Variants in HIF3A observed in about 807,000 individuals in gnomAD.
The protein encoded by HIF3A is hypoxia inducible factor 3 subunit alpha, also known as hypoxia-inducible factor 3-alpha.
Under a neutral mutation model 67.2 loss-of-function variants are expected in HIF3A, and 41 were observed. That is an observed-to-expected ratio of 0.61 (90% CI 0.48 to 0.79). HIF3A has a LOEUF of 0.79. Among genes scored for constraint, HIF3A ranks in the 30% least tolerant of loss-of-function variants. The pLI is 0.00. For synonymous variants in HIF3A, 356 were observed against 374.8 expected (o/e 0.95, Z 0.58); for missense variants, 855 against 898.0 (o/e 0.95, Z 0.61).
intron 10 of HIF3A, 99 bp downstream of exon 10, chr19:46,322,065 C>CTG: frequency 8.1e-7 from 1 of 1,227,196 alleles, no homozygotes; most frequent in Admixed American, 2.3e-5. Flanking sequence ...TGGGCCTCAG[C>CTG]TTCTCCATCT....
intron 8 of HIF3A, among the ~76,000 whole-genome samples, chr19:46,315,731 T>C (rs1263869064): frequency 6.6e-6 from 1 of 151,856 alleles, no homozygotes; most frequent in African/African-American, 2.4e-5. Context: ...CTGGCCAACA[T>C]GGCGAAACAC....
At chr19:46,300,168 C>G (rs1968200551) in intron 1 of HIF3A, among the ~76,000 whole-genome samples, 1 of 152,132 alleles carries the variant, frequency 6.6e-6, no homozygotes, top group East Asian at 1.9e-4. Flanking sequence ...CGTGAGTGTT[C>G]AACACACCAA....
intron 6 of HIF3A, chr19:46,310,760 GT>G (rs1397451615): frequency 4.5e-5 from 15 of 336,570 alleles, no homozygotes; most frequent in African/African-American, 2.9e-4. Context: ...ACTTTTTGTT[GT>G]TGTTGTTGAG....
chr19:46,313,389 A>G, intron 8 of HIF3A: 1 of 850,138 alleles, frequency 1.2e-6, no homozygotes, highest in South Asian at 5.6e-5. Context: ...TTGGGAGGCC[A>G]GGGGAGGAGG....
chr19:46,317,065 T>C (rs10414652), intron 8 of HIF3A, among the ~76,000 whole-genome samples: 117,965 of 152,042 alleles, frequency 0.78, 47,288 homozygotes, highest in Non-Finnish European at 0.87. Flanking sequence ...GGACTATAGG[T>C]GCGCACTACC....
At chr19:46,321,657 C>A in intron 9 of HIF3A, 119 bp from the exon 10 acceptor site, 1 of 863,936 alleles carries the variant, frequency 1.2e-6, no homozygotes, top group Non-Finnish European at 1.8e-6. Context: ...TCACTAAGAA[C>A]AGTGGCCATC....
chr19:46,334,798 C>T, intron 13 of HIF3A, 107 bp from the exon 14 acceptor site: 1 of 846,908 alleles, frequency 1.2e-6, no homozygotes, highest in Non-Finnish European at 1.9e-6. Flanking sequence ...CCTCCCAATC[C>T]TCTGGCCTCA....
intron 14 of HIF3A, chr19:46,338,635 T>C: frequency 1.8e-6 from 1 of 560,174 alleles, no homozygotes; most frequent in Non-Finnish European, 2.4e-6. Flanking sequence ...TTCCATGGAT[T>C]TACTCATTTA....
intron 3 of HIF3A, among the ~76,000 whole-genome samples, chr19:46,306,223 C>A (rs1387178132): frequency 1.3e-5 from 2 of 152,100 alleles, no homozygotes; most frequent in African/African-American, 4.8e-5. Flanking sequence ...CTCCAGGGCC[C>A]CGGGGAGCTA....
chr19:46,322,008 C>T (rs1168346738), intron 10 of HIF3A, 42 bp downstream of exon 10: 3 of 1,593,440 alleles, frequency 1.9e-6, no homozygotes, highest in South Asian at 1.1e-5. Flanking sequence ...ATCCAGTGCT[C>T]AGTCCCTCAG....
intron 5 of HIF3A, 97 bp from the exon 6 acceptor site, chr19:46,309,054 C>T (rs1969181548): frequency 9.6e-7 from 1 of 1,040,646 alleles, no homozygotes; most frequent in South Asian, 1.6e-5. Flanking sequence ...GTTGGAATCT[C>T]AGCTCCCTGA....
At position 46,331,270 on chromosome 19, in the gene HIF3A, C is replaced by G. The variant is rs1451376826; in HGVS notation, c.1827C>G (p.Ser609Arg). Residue 609 changes from serine (S) to arginine (R), a missense_variant, in exon 13 of 15, where the codon AGC (serine) becomes AGG (arginine). This residue lies in a region of HIF3A where 199 missense variants were observed against 193.8 expected (regional missense o/e 1.03). Transcript: ENST00000377670. ...AAAACTTTCTGCTCTTTCCTCTCAG[C>G]CTGGTGTGTTGGGGGATTAATGGGA... ...EHENFLLFPL[S>R]LSFLLTGGPA... is the part of the protein sequence containing the mutation. The G allele has an allele frequency of 6.2e-7, 1 of 1,611,880 alleles. No homozygotes were observed. The highest frequency in any genetic ancestry group is 1.1e-5 in the South Asian group (1 of 91,010).
At chr19:46,300,620 C>G (rs1163427765) in intron 1 of HIF3A, among the ~76,000 whole-genome samples, 1 of 152,172 alleles carries the variant, frequency 6.6e-6, no homozygotes, top group East Asian at 1.9e-4. Context: ...AAGATCAAGC[C>G]ACTGCACTCC....
intron 10 of HIF3A, among the ~76,000 whole-genome samples, chr19:46,324,476 A>G (rs1440149928): frequency 6.6e-6 from 1 of 151,926 alleles, no homozygotes; most frequent in Non-Finnish European, 1.5e-5. Context: ...CTCATCCTTT[A>G]CCCCTGAGAC....
chr19:46,321,502 C>G lies in HIF3A; in HGVS notation c.1145-274C>G, dbSNP rs553654650. The stretch of plus-strand genomic sequence containing the variant: ...TGGAGACTGAGGCAGGAGAATTGCT[C>G]GAACCCAGGAGGCAGAGGCTGCAGT... On this transcript the variant is annotated intron_variant, in intron 9 of 14. Coordinates refer to ENST00000377670, the MANE Select transcript of HIF3A (RefSeq NM_152795.4). Among the ~76,000 whole-genome samples the G allele has an allele frequency of 5.3e-5, 8 of 152,204 alleles. No individual in the cohort carries two copies. The East Asian group carries it at 1.5e-3, about 29-fold the overall frequency.
At chr19:46,308,171 G>T in intron 3 of HIF3A, 50 bp from the exon 4 acceptor site, 1 of 1,145,040 alleles carries the variant, frequency 8.7e-7, no homozygotes. Flanking sequence ...TGGGATGGAG[G>T]AGATGGGTCA....
intron 1 of HIF3A, among the ~76,000 whole-genome samples, chr19:46,301,272 G>A (rs920334899): frequency 5.9e-5 from 9 of 152,110 alleles, no homozygotes; most frequent in Admixed American, 2.0e-4. Flanking sequence ...GGGTGGGGCC[G>A]CAGGTCTCTT....
intron 1 of HIF3A, 125 bp from the exon 2 acceptor site, chr19:46,303,773 G>A: frequency 6.7e-7 from 1 of 1,492,726 alleles, no homozygotes; most frequent in Non-Finnish European, 9.1e-7. Flanking sequence ...ACACATCGAG[G>A]CCTGCGCAGC....
At chr19:46,314,033 G>C (rs2311055) in intron 8 of HIF3A, among the ~76,000 whole-genome samples, 1 of 149,830 alleles carries the variant, frequency 6.7e-6, no homozygotes. Flanking sequence ...TAGAGCACAG[G>C]TTTTTTTTTT....
Sources: allele counts gnomAD v4.1 joint callset (sites outside exome capture counted in the v4.1 genomes callset), GRCh38; gene constraint gnomAD v4.1.1; regional missense constraint gnomAD v4.1.1; transcripts MANE v1.5; gene names NCBI Gene and HGNC (gene_info 2026-07-23, HGNC 2026-07-21).